MRPL27: variants seen among roughly 807,000 people sequenced by gnomAD.
MRPL27 encodes mitochondrial ribosomal protein L27.
MRPL27 carries 4 observed loss-of-function variants against 14.6 expected under a neutral mutation model. That is an observed-to-expected ratio of 0.27 (90% CI 0.14 to 0.63). MRPL27 has a LOEUF of 0.63. Among genes scored for constraint, MRPL27 ranks in the 20% least tolerant of loss-of-function variants. The pLI, the probability that MRPL27 is intolerant of heterozygous loss-of-function variation, is 0.85. For missense variants in MRPL27, 196 were observed against 192.8 expected, an observed-to-expected ratio of 1.02 and a Z score of -0.10; for synonymous variants, 82 against 75.5, an observed-to-expected ratio of 1.09 and a Z score of -0.45.
chr17:50,370,127 G>A (rs1216125441), intron 2 of MRPL27, 28 bp from the exon 3 acceptor site: 4 of 1,584,824 alleles, frequency 2.5e-6, no homozygotes, highest in Non-Finnish European at 3.4e-6. Context: ...AGTGACTGGG[G>A]CAGCATAGCA....
chr17:50,369,976 G>T, intron 3 of MRPL27, 56 bp downstream of exon 3: 1 of 1,566,580 alleles, frequency 6.4e-7, no homozygotes, highest in Non-Finnish European at 8.8e-7. Flanking sequence ...ATGCTTAGGG[G>T]CAAGGAGAGG....
Position 50,370,579 on chromosome 17 carries a change from G to A in MRPL27, c.48C>T (p.Ser16=). ...CTGTAGCCGGAGTGGGGCTTAGCAA[G>A]GATGTAACTGCAGAGAAAACAGAAA... The part of the protein sequence containing the change: ...LALRTRTAVT[S]LLSPTPATAL... Residue 16 remains serine (S), a synonymous_variant, in exon 2 of 4, where the codon TCC becomes TCT. Coordinates refer to ENST00000225969, the MANE Select transcript of MRPL27 (RefSeq NM_016504.3). 1 of 1,614,132 alleles carries A rather than the reference G, an allele frequency of 6.2e-7. No individual in the cohort carries two copies. Among genetic ancestry groups the A allele is most frequent in the South Asian group, 1.1e-5 (1 of 91,078 alleles).
At chr17:50,370,262 C>G (rs944406156) in intron 2 of MRPL27, 163 bp from the exon 3 acceptor site, 2 of 1,149,312 alleles carry the variant, frequency 1.7e-6, no homozygotes, top group African/African-American at 3.1e-5. Flanking sequence ...CAGCTCTTGT[C>G]TCTAATTGCA....
intron 1 of MRPL27, among the ~76,000 whole-genome samples, chr17:50,372,260 G>C (rs1008031337): frequency 2.0e-4 from 31 of 151,446 alleles, no homozygotes; most frequent in African/African-American, 6.8e-4. Flanking sequence ...TTTTTTGGGG[G>C]GGGGGGATAG....
intron 2 of MRPL27, 74 bp from the exon 3 acceptor site, chr17:50,370,173 C>A: frequency 6.9e-7 from 1 of 1,450,008 alleles, no homozygotes; most frequent in Non-Finnish European, 9.4e-7. Flanking sequence ...AAATGCTGCA[C>A]ACCAACCTCC....
chr17:50,370,864 A>G (rs1452727557), intron 1 of MRPL27: 5 of 366,502 alleles, frequency 1.4e-5, no homozygotes, highest in African/African-American at 2.1e-5. Flanking sequence ...TGCTGAGGAG[A>G]AATGGACACC....
intron 3 of MRPL27, 107 bp from the exon 4 acceptor site, chr17:50,368,405 G>A: frequency 8.5e-7 from 1 of 1,172,124 alleles, no homozygotes; most frequent in East Asian, 2.6e-5. Flanking sequence ...GGCTGAAAGG[G>A]TGATCAGAGA....
At chr17:50,372,378 T>C (rs140026369) in intron 1 of MRPL27, among the ~76,000 whole-genome samples, 2 of 152,122 alleles carry the variant, frequency 1.3e-5, no homozygotes, top group Non-Finnish European at 2.9e-5. Flanking sequence ...CCTGAGTATC[T>C]GAGACCACAG....
chr17:50,373,019 T>C, intron 1 of MRPL27, 112 bp downstream of exon 1: 1 of 1,461,448 alleles, frequency 6.8e-7, no homozygotes, highest in Non-Finnish European at 9.4e-7. Flanking sequence ...CCCACACACT[T>C]CCCCTCGCAT....
chr17:50,368,211 T>C lies in MRPL27; in HGVS notation c.328A>G (p.Asn110Asp). 6.2e-7 allele frequency: 1 copy of C among 1,614,196 alleles called. No individual in the cohort carries two copies. ...TKEVYVPHPR[N>D]TEAVDLITRL... is the part of the protein sequence containing the mutation. ...GTGATCAGATCCACAGCCTCCGTGT[T>C]TCTGGGATGAGGCACGTAGACCTCC... Residue 110 changes from asparagine to aspartate, a missense_variant, in exon 4 of 4, where the codon AAC becomes GAC. By Grantham distance (23) the Asn-to-Asp change is conservative. Coordinates refer to ENST00000225969, the MANE Select transcript of MRPL27 (RefSeq NM_016504.3).
Position 50,370,535 on chromosome 17 carries a change from G to A in MRPL27, c.92C>T (p.Ala31Val). ...TPATALAVRY[A>V]SKKSGGSSKN... ...GGAGCTACCACCCGACTTCTTGGAT[G>A]CGTATCTGACAGCAAGAGCTGTAGC... Residue 31 changes from alanine to valine, a missense_variant, in exon 2 of 4, where the codon GCA (alanine) becomes GTA (valine). Ala to Val is a moderately conservative substitution (Grantham distance 64, BLOSUM62 0). Coordinates refer to ENST00000225969, the MANE Select transcript of MRPL27 (RefSeq NM_016504.3). 1 of 1,614,204 alleles carries A rather than the reference G, an allele frequency of 6.2e-7. No homozygotes were observed. Among genetic ancestry groups the A allele is most frequent in the Non-Finnish European group, 8.5e-7 (1 of 1,180,040 alleles).
At chr17:50,369,963 A>G (rs1288289662) in intron 3 of MRPL27, 69 bp downstream of exon 3, 1 of 1,528,326 alleles carries the variant, frequency 6.5e-7, no homozygotes, top group Non-Finnish European at 9.1e-7. Context: ...AACTGTTATT[A>G]CCATGCTTAG....
chr17:50,368,338 C>T (rs2586438), intron 3 of MRPL27, 40 bp from the exon 4 acceptor site: 862,692 of 1,532,194 alleles, frequency 0.56, 238,224 homozygotes, highest in East Asian at 0.89. Context: ...AGCTGGTCAG[C>T]GAGGTGGTCC....
At chr17:50,369,868 C>T in intron 3 of MRPL27, 164 bp downstream of exon 3, 1 of 818,862 alleles carries the variant, frequency 1.2e-6, no homozygotes, top group Non-Finnish European at 2.0e-6. Flanking sequence ...ACCTTACTTA[C>T]AGGGATGTGG....
intron 2 of MRPL27, 48 bp from the exon 3 acceptor site, chr17:50,370,147 G>C (rs1358822107): frequency 6.4e-7 from 1 of 1,551,926 alleles, no homozygotes; most frequent in African/African-American, 1.4e-5. Context: ...AAACTACCAA[G>C]AAAACATGAT....
intron 3 of MRPL27, chr17:50,368,930 A>G (rs141495313): frequency 5.8e-6 from 4 of 688,196 alleles, no homozygotes; most frequent in African/African-American, 5.3e-5. Context: ...GTTTTTAACC[A>G]TATTTTTTAG....
chr17:50,368,304 A>G lies in MRPL27; in HGVS notation c.241-6T>C. 1.3e-6 allele frequency: 2 copies of G among 1,592,588 alleles called. No homozygotes were observed. The highest frequency in any genetic ancestry group is 1.7e-6 in the Non-Finnish European group (2 of 1,172,066). On this transcript the variant is annotated splice_region_variant and splice_polypyrimidine_tract_variant and intron_variant, in intron 3 of 3. Coordinates refer to ENST00000225969, the MANE Select transcript of MRPL27 (RefSeq NM_016504.3). ...TTATTCTTCCCAACACCCACCTGCAACACACAGACCTGGTCAGCTGGTCAG... is the reference window on the plus strand; with the variant it reads ...TTATTCTTCCCAACACCCACCTGCAGCACACAGACCTGGTCAGCTGGTCAG...
At chr17:50,370,829 GGTTCT>G in intron 1 of MRPL27, 1 of 444,914 alleles carries the variant, frequency 2.2e-6, no homozygotes, top group Non-Finnish European at 4.2e-6. Context: ...ATGTGTTCTG[GGTTCT>G]GACACATTCA....
chr17:50,372,748 T>A (rs1567813119), intron 1 of MRPL27: 1 of 256,996 alleles, frequency 3.9e-6, no homozygotes, highest in African/African-American at 2.2e-5. Context: ...TTTCTGCTGA[T>A]TTTCCGAACA....
Sources: allele counts gnomAD v4.1 joint callset (sites outside exome capture counted in the v4.1 genomes callset), GRCh38; gene constraint gnomAD v4.1.1; transcripts MANE v1.5; gene names NCBI Gene and HGNC (gene_info 2026-07-23, HGNC 2026-07-21).